LDB2: variants seen among roughly 807,000 people sequenced by gnomAD.
The protein encoded by LDB2 is LIM domain binding 2, also known as LIM domain-binding protein 2.
LDB2 carries 12 observed loss-of-function variants against 44.3 expected under a neutral mutation model. The observed-to-expected ratio is 0.27, with a 90% CI of 0.17 to 0.44. LDB2 has a LOEUF of 0.44. LDB2 is among the 20% of genes least tolerant of loss of function. The probability of loss-of-function intolerance (pLI) is 1.00; values close to 1 mark genes in which losing one functional copy is unlikely to be tolerated. For missense variants in LDB2, 344 were observed against 473.5 expected, an observed-to-expected ratio of 0.73 and a Z score of 2.54; for synonymous variants, 164 against 174.8, an observed-to-expected ratio of 0.94 and a Z score of 0.49.
At chr4:16,598,337 T>C (rs1721589063) in intron 2 of LDB2, among the ~76,000 whole-genome samples, 1 of 152,166 alleles carries the variant, frequency 6.6e-6, no homozygotes, top group African/African-American at 2.4e-5. Context: ...AAGCCCAACC[T>C]AGCCATGTGG....
At chr4:16,760,250 T>C (rs1326144623) in intron 1 of LDB2, among the ~76,000 whole-genome samples, 1 of 152,122 alleles carries the variant, frequency 6.6e-6, no homozygotes, top group African/African-American at 2.4e-5. Context: ...CATGTAATAG[T>C]CCCACTACTG....
At chr4:16,676,558 A>G (rs979294431) in intron 2 of LDB2, among the ~76,000 whole-genome samples, 8 of 152,232 alleles carry the variant, frequency 5.3e-5, no homozygotes, top group Non-Finnish European at 1.5e-5. Context: ...AAAAAAATCT[A>G]TCAACCAGTA....
In LDB2 at chr4:16,781,468, C is replaced by T. The variant is rs149059883; in HGVS notation, c.133-22208G>A. Reference sequence around the variant, plus strand: ...GAGGGAGTCTGGAGGACAGAAGGCACGAACAGTGAGGAGGATTACCAGCCA... The same window carrying T: ...GAGGGAGTCTGGAGGACAGAAGGCATGAACAGTGAGGAGGATTACCAGCCA... On this transcript the variant is annotated intron_variant, in intron 1 of 7. Coordinates refer to ENST00000304523, the MANE Select transcript of LDB2 (RefSeq NM_001290.5). Among the ~76,000 whole-genome samples the T allele has an allele frequency of 2.0e-4, 30 of 152,152 alleles. 1 individual carries two copies. The East Asian group carries it at 4.3e-3, about 22-fold the overall frequency.
intron 1 of LDB2, among the ~76,000 whole-genome samples, chr4:16,778,192 G>C (rs1484956236): frequency 1.3e-5 from 2 of 152,164 alleles, no homozygotes; most frequent in African/African-American, 4.8e-5. Flanking sequence ...ACATCTGAAT[G>C]TTAGCTCTCA....
chr4:16,779,469 C>G (rs1318755719), intron 1 of LDB2, among the ~76,000 whole-genome samples: 1 of 152,166 alleles, frequency 6.6e-6, no homozygotes, highest in Non-Finnish European at 1.5e-5. Context: ...AGTTAAGTGG[C>G]TCTGCTGTTA....
intron 2 of LDB2, among the ~76,000 whole-genome samples, chr4:16,735,146 C>A (rs2108956615): frequency 6.6e-6 from 1 of 152,248 alleles, no homozygotes; most frequent in African/African-American, 2.4e-5. Flanking sequence ...GTGGGGACAT[C>A]AAATTATGAG....
At chr4:16,609,381 C>T (rs1048713966) in intron 2 of LDB2, among the ~76,000 whole-genome samples, 2 of 151,622 alleles carry the variant, frequency 1.3e-5, no homozygotes, top group South Asian at 4.2e-4. Context: ...CAACCAGCTG[C>T]CTGCTGTCTA....
At chr4:16,799,104 C>T (rs1000942461) in intron 1 of LDB2, among the ~76,000 whole-genome samples, 3 of 152,172 alleles carry the variant, frequency 2.0e-5, no homozygotes, top group Admixed American at 6.5e-5. Flanking sequence ...CCGCCCTCCT[C>T]GGCCTCCCGA....
intron 2 of LDB2, among the ~76,000 whole-genome samples, chr4:16,661,526 G>C (rs1312059433): frequency 6.6e-6 from 1 of 152,126 alleles, no homozygotes; most frequent in African/African-American, 2.4e-5. Flanking sequence ...CTACTTCCTA[G>C]GGCTGTTGTG....
chr4:16,610,790 T>G (rs1395939111), intron 2 of LDB2, among the ~76,000 whole-genome samples: 1 of 152,104 alleles, frequency 6.6e-6, no homozygotes, highest in Non-Finnish European at 1.5e-5. Context: ...GAAAACACCC[T>G]TCACAATATT....
At chr4:16,868,951 G>A (rs973737327) in intron 1 of LDB2, among the ~76,000 whole-genome samples, 14 of 152,080 alleles carry the variant, frequency 9.2e-5, no homozygotes. Flanking sequence ...TGCCGGTGAT[G>A]AGAATGATTT....
intron 2 of LDB2, among the ~76,000 whole-genome samples, chr4:16,754,302 A>G (rs284208): frequency 0.9 from 136,386 of 152,202 alleles, 61,476 homozygotes; most frequent in Middle Eastern, 0.96. Flanking sequence ...TAAAAAGGTC[A>G]TATGGACTCC....
At chr4:16,531,139 C>A (rs753298800) in intron 5 of LDB2, among the ~76,000 whole-genome samples, 2 of 152,186 alleles carry the variant, frequency 1.3e-5, no homozygotes, top group African/African-American at 2.4e-5. Context: ...TCCATAAACA[C>A]CTATTGAACA....
intron 2 of LDB2, among the ~76,000 whole-genome samples, chr4:16,655,616 T>C (rs1290377066): frequency 6.6e-6 from 1 of 152,196 alleles, no homozygotes; most frequent in Non-Finnish European, 1.5e-5. Context: ...CATTATCTGT[T>C]TGATGGAGTG....
intron 2 of LDB2, among the ~76,000 whole-genome samples, chr4:16,728,549 A>G (rs1431300062): frequency 6.6e-6 from 1 of 152,252 alleles, no homozygotes; most frequent in Non-Finnish European, 1.5e-5. Flanking sequence ...AAACATATTA[A>G]TTACAGAAAT....
chr4:16,790,449 T>C (rs1366819936), intron 1 of LDB2, among the ~76,000 whole-genome samples: 5 of 152,090 alleles, frequency 3.3e-5, no homozygotes, highest in Non-Finnish European at 7.3e-5. Context: ...CAATGCAGCA[T>C]GAGTAGAGGA....
At chr4:16,769,124 C>T (rs149811076) in intron 1 of LDB2, among the ~76,000 whole-genome samples, 2,056 of 152,170 alleles carry the variant, frequency 0.014, 47 homozygotes, top group African/African-American at 0.046. Context: ...CAGCCCAAAG[C>T]AAGGATTTCC....
chr4:16,709,838 C>T (rs543821906), intron 2 of LDB2, among the ~76,000 whole-genome samples: 2 of 152,108 alleles, frequency 1.3e-5, no homozygotes, highest in African/African-American at 2.4e-5. Context: ...TTGGGAATGA[C>T]TCATTTAAAT....
Position 16,825,361 on chromosome 4 carries a change from C to T in LDB2, c.133-66101G>A, listed in dbSNP as rs551567427. On this transcript the variant is annotated intron_variant, in intron 1 of 7. Transcript: ENST00000304523. ...AGCTAGGGTTTTCCAGGTTAATGAC[C>T]CAGAGAATGAGGAATACTTGAAGAC... 2.0e-5 allele frequency among the ~76,000 whole-genome samples: 3 copies of T among 152,126 alleles called. No individual in the cohort carries two copies. The South Asian group carries it at 6.2e-4, about 32-fold the overall frequency.
Sources: allele counts gnomAD v4.1 joint callset (sites outside exome capture counted in the v4.1 genomes callset), GRCh38; gene constraint gnomAD v4.1.1; transcripts MANE v1.5; gene names NCBI Gene and HGNC (gene_info 2026-07-23, HGNC 2026-07-21).